FERMT2: variants seen among roughly 807,000 people sequenced by gnomAD.
FERMT2 encodes fermitin family homolog 2.
A neutral mutation model predicts 82.7 loss-of-function variants in FERMT2; 15 were observed. The observed-to-expected ratio is 0.18, with a 90% CI of 0.12 to 0.28. The LOEUF is 0.28. FERMT2 is among the 10% of genes least tolerant of loss of function. The pLI, the probability that FERMT2 is intolerant of heterozygous loss-of-function variation, is 1.00. For missense variants in FERMT2, 645 were observed against 809.4 expected, an observed-to-expected ratio of 0.80 and a Z score of 2.46; for synonymous variants, 274 against 271.5, an observed-to-expected ratio of 1.01 and a Z score of -0.09.
chr14:52,867,190 T>C (rs1463507739), intron 10 of FERMT2, among the ~76,000 whole-genome samples: 6 of 151,876 alleles, frequency 4.0e-5, no homozygotes, highest in Non-Finnish European at 8.8e-5. Context: ...ACCACCTGCC[T>C]TGGTCTCCCA....
intron 3 of FERMT2, among the ~76,000 whole-genome samples, chr14:52,905,102 T>A (rs911785759): frequency 3.3e-5 from 5 of 150,224 alleles, no homozygotes; most frequent in African/African-American, 1.2e-4. Context: ...GGCAGGAGAA[T>A]CGCTTGAACC....
At chr14:52,913,359 G>A (rs1371868482) in intron 3 of FERMT2, among the ~76,000 whole-genome samples, 1 of 152,156 alleles carries the variant, frequency 6.6e-6, no homozygotes, top group East Asian at 1.9e-4. Context: ...ATGCATGGAT[G>A]AGCGCTCTCA....
chr14:52,919,648 C>T (rs528265738), intron 2 of FERMT2, among the ~76,000 whole-genome samples: 1 of 152,252 alleles, frequency 6.6e-6, no homozygotes, highest in South Asian at 2.1e-4. Flanking sequence ...TCTCAGAAAA[C>T]AGAATCCTGA....
At position 52,907,546 on chromosome 14, in the gene FERMT2, T is replaced by C. The variant is rs578185195; in HGVS notation, c.391+11577A>G. Among the ~76,000 whole-genome samples the C allele has an allele frequency of 3.9e-5, 6 of 152,106 alleles. No homozygotes were observed. The South Asian group carries it at 1.0e-3, about 26-fold the overall frequency. ...ATAACGTACTGTGGGGTTTAGCATATATAGGAGTAAAATACATGACACAAA... is the reference window on the plus strand; with the variant it reads ...ATAACGTACTGTGGGGTTTAGCATACATAGGAGTAAAATACATGACACAAA... On this transcript the variant is annotated intron_variant, in intron 3 of 14. Coordinates refer to ENST00000341590, the MANE Select transcript of FERMT2 (RefSeq NM_006832.3).
chr14:52,870,113 G>A (rs931488954), intron 10 of FERMT2, among the ~76,000 whole-genome samples: 1 of 152,032 alleles, frequency 6.6e-6, no homozygotes, highest in Non-Finnish European at 1.5e-5. Flanking sequence ...TTTGAAGAAA[G>A]AAAATTATTG....
At chr14:52,894,244 C>T (rs1887125134) in intron 3 of FERMT2, among the ~76,000 whole-genome samples, 1 of 152,018 alleles carries the variant, frequency 6.6e-6, no homozygotes, top group Admixed American at 6.6e-5. Flanking sequence ...ATGAAAATAA[C>T]AAAAGAAATT....
chr14:52,878,564 A>G lies in FERMT2; in HGVS notation c.963+18T>C. Reference sequence around the variant, plus strand: ...CCCTTTACCGGAATAAGTCCCATTTACTAGACCTTTCAACTACCTGCAGGG... The same window carrying G: ...CCCTTTACCGGAATAAGTCCCATTTGCTAGACCTTTCAACTACCTGCAGGG... On this transcript the variant is annotated intron_variant, in intron 7 of 14. Coordinates refer to ENST00000341590, the MANE Select transcript of FERMT2 (RefSeq NM_006832.3). 1 of 1,493,838 alleles carries G rather than the reference A, an allele frequency of 6.7e-7. No individual in the cohort carries two copies. The highest frequency in any genetic ancestry group is 1.4e-5 in the African/African-American group (1 of 72,640). The allele number at this position is 1,493,838 out of a possible 1,614,324, so 92.5% of individuals were successfully genotyped here. A position where few individuals can be genotyped will look rare whatever the true frequency, so the allele number is the denominator to read the frequency against.
At chr14:52,896,417 T>C (rs1272531998) in intron 3 of FERMT2, among the ~76,000 whole-genome samples, 1 of 152,202 alleles carries the variant, frequency 6.6e-6, no homozygotes, top group East Asian at 1.9e-4. Context: ...AGCTTTTTGT[T>C]TGTAGGGGAC....
chr14:52,889,110 C>T (rs897765521), intron 4 of FERMT2, among the ~76,000 whole-genome samples: 2 of 152,160 alleles, frequency 1.3e-5, no homozygotes, highest in African/African-American at 4.8e-5. Flanking sequence ...GTGATTTAGC[C>T]ACTCTGGGTT....
At chr14:52,930,036 A>G (rs1889490759) in intron 2 of FERMT2, among the ~76,000 whole-genome samples, 1 of 152,178 alleles carries the variant, frequency 6.6e-6, no homozygotes. Flanking sequence ...TTATTTTTAA[A>G]CCATCAATAA....
intron 3 of FERMT2, among the ~76,000 whole-genome samples, chr14:52,913,680 C>CAGTAGTAGTAGTAGTAGTAGTAGT (rs60319673): frequency 0.045 from 6,609 of 147,762 alleles, 168 homozygotes; most frequent in Middle Eastern, 0.067. Flanking sequence ...CAGCCAAAAA[C>CAGTAGTAGTAGTAGTAGTAGTAGT]AGTAGTAGTA....
chr14:52,902,333 C>T (rs1887701399), intron 3 of FERMT2, among the ~76,000 whole-genome samples: 1 of 151,354 alleles, frequency 6.6e-6, no homozygotes, highest in Non-Finnish European at 1.5e-5. Context: ...GCGGAGGTTG[C>T]AGTGAGCCGA....
At chr14:52,921,528 G>A (rs986635286) in intron 2 of FERMT2, among the ~76,000 whole-genome samples, 1 of 152,144 alleles carries the variant, frequency 6.6e-6, no homozygotes, top group African/African-American at 2.4e-5. Flanking sequence ...AGAAAATTCT[G>A]ATCTACCTTA....
chr14:52,882,028 T>G (rs1194086574), intron 4 of FERMT2, among the ~76,000 whole-genome samples: 1 of 152,232 alleles, frequency 6.6e-6, no homozygotes, highest in Admixed American at 6.5e-5. Flanking sequence ...CGGTTTTTTT[T>G]GTTCAATTTA....
Position 52,917,222 on chromosome 14 carries a change from G to A in FERMT2, c.391+1901C>T, listed in dbSNP as rs143531537. ...AAACTTAGTAAGAAAATACCTACGTGGTAATGGCAATAACATATACAGTTT... is the reference window on the plus strand; with the variant it reads ...AAACTTAGTAAGAAAATACCTACGTAGTAATGGCAATAACATATACAGTTT... On this transcript the variant is annotated intron_variant, in intron 3 of 14. Transcript: ENST00000341590. Among the ~76,000 whole-genome samples, 1,185 of 152,152 alleles carry A rather than the reference G, an allele frequency of 7.8e-3. 6 individuals are homozygous for A. The highest frequency in any genetic ancestry group is 0.017 in the Middle Eastern group (5 of 294).
intron 12 of FERMT2, chr14:52,861,340 C>T (rs1233518328): frequency 1.5e-5 from 5 of 340,570 alleles, no homozygotes; most frequent in Non-Finnish European, 2.6e-5. Context: ...ATAAAAAGAG[C>T]AAATATTTCT....
intron 7 of FERMT2, among the ~76,000 whole-genome samples, chr14:52,876,175 C>CA (rs1186296028): frequency 2.0e-5 from 3 of 152,300 alleles, no homozygotes; most frequent in South Asian, 4.2e-4. Context: ...ACATTCATTT[C>CA]ATGGGAACAT....
In FERMT2 at chr14:52,859,714, C is replaced by G. The variant is rs773491542; in HGVS notation, c.1728G>C (p.Arg576Ser). The G allele has an allele frequency of 1.3e-6, 2 of 1,563,150 alleles. No homozygotes were observed. The highest frequency in any genetic ancestry group is 1.7e-6 in the Non-Finnish European group (2 of 1,153,472). The part of the protein sequence containing the change: ...PEFGITHFIA[R>S]FQGGKKEELI... ...GTTCTTCTTTTTTGCCCCCTTGGAA[C>G]CTATAACATTTAAGAAAAGAACGGT... The change falls in exon 14 of 15, where the codon AGG becomes AGC. Residue 576 changes from arginine (R) to serine (S), a missense_variant and splice_region_variant. Physicochemically the swap from Arg to Ser is moderately radical, Grantham distance 110 (BLOSUM62 -1). Transcript: ENST00000341590.
At chr14:52,912,747 T>C (rs1225378583) in intron 3 of FERMT2, among the ~76,000 whole-genome samples, 1 of 152,104 alleles carries the variant, frequency 6.6e-6, no homozygotes, top group African/African-American at 2.4e-5. Flanking sequence ...TGGCCTCAAG[T>C]GATCTGCCTG....
Sources: allele counts gnomAD v4.1 joint callset (sites outside exome capture counted in the v4.1 genomes callset), GRCh38; gene constraint gnomAD v4.1.1; transcripts MANE v1.5; gene names NCBI Gene and HGNC (gene_info 2026-07-23, HGNC 2026-07-21).